CACNA2D3: variants seen among roughly 807,000 people sequenced by gnomAD.
CACNA2D3 encodes the protein calcium voltage-gated channel auxiliary subunit alpha2delta 3, also known as voltage-dependent calcium channel subunit alpha-2/delta-3.
In CACNA2D3, 60 loss-of-function variants were observed where a neutral mutation model predicts 160.6. The ratio of observed to expected loss-of-function variants is 0.37; its 90% CI spans 0.30 to 0.46. The LOEUF is 0.46. Among genes scored for constraint, CACNA2D3 ranks in the 20% least tolerant of loss-of-function variants. The pLI is 1.00. For missense variants in CACNA2D3, 1,205 were observed against 1,365.0 expected (o/e 0.88, Z 1.85); for synonymous variants, 558 against 492.9 (o/e 1.13, Z -1.75).
chr3:54,702,480 C>A (rs534848136), intron 11 of CACNA2D3, among the ~76,000 whole-genome samples: 1 of 152,104 alleles, frequency 6.6e-6, no homozygotes, highest in Non-Finnish European at 1.5e-5. Flanking sequence ...GCATGGCCAA[C>A]AAGCATATGA....
rs142562058 is a variant in CACNA2D3 at position 54,232,927 on chromosome 3, A to T, written c.205-87515A>T. Among the ~76,000 whole-genome samples the T allele has an allele frequency of 4.6e-5, 7 of 152,256 alleles. No individual in the cohort carries two copies. The East Asian group carries it at 1.4e-3, about 29-fold the overall frequency. On this transcript the variant is annotated intron_variant, in intron 2 of 37. Transcript: ENST00000474759. ...GTCTGCAAAATGCTGTACTGTCATG[A>T]TTAGTTTAACCCATCTCTACTCCCA...
rs544429494 is a variant in CACNA2D3, at chr3:54,617,284, C to T, written c.964-10503C>T. On this transcript the variant is annotated intron_variant, in intron 9 of 37. Coordinates refer to ENST00000474759, the MANE Select transcript of CACNA2D3 (RefSeq NM_018398.3). The stretch of plus-strand genomic sequence containing the variant: ...CTCTTCTGAGAAGCTGCTTGTAAGT[C>T]GACTGTTCTTATCTGTCCAGCACCT... Among the ~76,000 whole-genome samples, 9 of 152,246 alleles carry T rather than the reference C, an allele frequency of 5.9e-5. No homozygotes were observed. The South Asian group carries it at 1.0e-3, about 18-fold the overall frequency.
chr3:54,540,340 G>T (rs533417031), intron 5 of CACNA2D3, among the ~76,000 whole-genome samples: 1 of 152,316 alleles, frequency 6.6e-6, no homozygotes, highest in South Asian at 2.1e-4. Flanking sequence ...AGTGAACTGC[G>T]AAGCTGCTGC....
chr3:54,927,976 C>T (rs563941454), intron 27 of CACNA2D3: 2 of 1,516,170 alleles, frequency 1.3e-6, no homozygotes, highest in Admixed American at 1.7e-5. Flanking sequence ...CAGAGCAACA[C>T]ACGAAGGGCA....
At chr3:54,233,047 G>T (rs940822085) in intron 2 of CACNA2D3, among the ~76,000 whole-genome samples, 2 of 152,130 alleles carry the variant, frequency 1.3e-5, no homozygotes, top group Non-Finnish European at 2.9e-5. Context: ...CAAATATGGC[G>T]GGCTAAGGAG....
chr3:55,061,059 C>A (rs1443737213), intron 35 of CACNA2D3, among the ~76,000 whole-genome samples: 1 of 152,168 alleles, frequency 6.6e-6, no homozygotes, highest in Non-Finnish European at 1.5e-5. Flanking sequence ...GAGTGGAAGT[C>A]ATTATCATGG....
chr3:55,074,452 A>C lies in CACNA2D3; in HGVS notation c.*246A>C. 1 of 505,618 alleles carries C rather than the reference A, an allele frequency of 2.0e-6. No homozygotes were observed. The highest frequency in any genetic ancestry group is 3.6e-6 in the Non-Finnish European group (1 of 281,534). The allele number at this position is 505,618 out of a possible 1,614,324, so 31.3% of individuals were successfully genotyped here. ...GTTTGCCACATGATAATCACCCTTC[A>C]TCAGAAATGGGACCGCAAGTGGTAG... On this transcript the variant is annotated 3_prime_UTR_variant, in exon 38 of 38. Coordinates refer to ENST00000474759, the MANE Select transcript of CACNA2D3 (RefSeq NM_018398.3).
intron 34 of CACNA2D3, among the ~76,000 whole-genome samples, chr3:55,015,656 A>G (rs1399891649): frequency 2.6e-5 from 4 of 152,362 alleles, no homozygotes; most frequent in African/African-American, 9.6e-5. Flanking sequence ...ATGACTTGCC[A>G]TACAGAGAAA....
chr3:54,362,236 G>A (rs1053776648), intron 3 of CACNA2D3, among the ~76,000 whole-genome samples: 8 of 152,204 alleles, frequency 5.3e-5, no homozygotes, highest in African/African-American at 1.4e-4. Context: ...CGAAGGTCTT[G>A]TTTGAGGCTC....
chr3:54,418,906 A>G (rs151110834), intron 4 of CACNA2D3, among the ~76,000 whole-genome samples: 18 of 152,326 alleles, frequency 1.2e-4, no homozygotes, highest in African/African-American at 3.4e-4. Flanking sequence ...TTATAATTGC[A>G]TATTTAACCT....
chr3:54,465,079 A>G (rs78708407), intron 4 of CACNA2D3, among the ~76,000 whole-genome samples: 2 of 148,686 alleles, frequency 1.3e-5, no homozygotes, highest in Admixed American at 6.7e-5. Context: ...TGCCTGGGTT[A>G]TTTCAAAAGA....
chr3:54,963,381 G>C (rs576450822), intron 27 of CACNA2D3, among the ~76,000 whole-genome samples: 13 of 152,280 alleles, frequency 8.5e-5, no homozygotes, highest in African/African-American at 2.9e-4. Flanking sequence ...TCATCGTCCA[G>C]TAGAAGTCTC....
chr3:54,628,055 A>AC (rs1360566523), intron 10 of CACNA2D3, among the ~76,000 whole-genome samples, 179 bp downstream of exon 10: 4 of 151,894 alleles, frequency 2.6e-5, no homozygotes, highest in African/African-American at 4.8e-5. Flanking sequence ...ACACGGTGAA[A>AC]CCCCATCTCT....
At chr3:54,928,375 T>A (rs1259722709) in intron 27 of CACNA2D3, among the ~76,000 whole-genome samples, 1 of 152,170 alleles carries the variant, frequency 6.6e-6, no homozygotes, top group Non-Finnish European at 1.5e-5. Context: ...CTGAATTCTG[T>A]TGACTTATTA....
chr3:54,407,299 C>T (rs529925608), intron 4 of CACNA2D3, among the ~76,000 whole-genome samples: 2 of 152,268 alleles, frequency 1.3e-5, no homozygotes, highest in African/African-American at 2.4e-5. Flanking sequence ...ATAGGGGTCA[C>T]ATCTGTAGGA....
chr3:54,222,442 G>A (rs1001440600), intron 2 of CACNA2D3, among the ~76,000 whole-genome samples: 2 of 152,184 alleles, frequency 1.3e-5, no homozygotes, highest in Admixed American at 6.5e-5. Context: ...CTCTTATTCA[G>A]CCTTTTTGTT....
intron 2 of CACNA2D3, among the ~76,000 whole-genome samples, chr3:54,147,469 T>A (rs1185193680): frequency 6.6e-6 from 1 of 152,242 alleles, no homozygotes; most frequent in Non-Finnish European, 1.5e-5. Flanking sequence ...TCTCCCTCCC[T>A]CCTTTCCTTC....
At chr3:54,452,987 C>G (rs1359657590) in intron 4 of CACNA2D3, among the ~76,000 whole-genome samples, 1 of 151,136 alleles carries the variant, frequency 6.6e-6, no homozygotes, top group Non-Finnish European at 1.5e-5. Context: ...TTTTCTTTCT[C>G]TCTCTCTTTC....
At chr3:54,940,235 T>C (rs755188063) in intron 27 of CACNA2D3, among the ~76,000 whole-genome samples, 1 of 152,206 alleles carries the variant, frequency 6.6e-6, no homozygotes, top group Non-Finnish European at 1.5e-5. Context: ...GATGGGTAGC[T>C]CTTGGAAGAC....
Sources: allele counts gnomAD v4.1 joint callset (sites outside exome capture counted in the v4.1 genomes callset), GRCh38; gene constraint gnomAD v4.1.1; transcripts MANE v1.5; gene names NCBI Gene and HGNC (gene_info 2026-07-23, HGNC 2026-07-21).